Variants in CBFA2T3 observed in about 807,000 individuals in gnomAD.
CBFA2T3 encodes CBFA2/RUNX1 partner transcriptional co-repressor 3, also known as transcriptional corepressor CBFA2T3.
In CBFA2T3, 31 loss-of-function variants were observed where a neutral mutation model predicts 58.6. The observed-to-expected ratio is 0.53, with a 90% CI of 0.40 to 0.71. The LOEUF is 0.71. CBFA2T3 is among the 30% of genes least tolerant of loss of function. The pLI, the probability that CBFA2T3 is intolerant of heterozygous loss-of-function variation, is 0.00. For missense variants in CBFA2T3, 1,076 were observed against 963.1 expected (o/e 1.12, Z -1.55); for synonymous variants, 531 against 421.9 (o/e 1.26, Z -3.17).
chr16:88,923,142 T>G (rs973963155), intron 1 of CBFA2T3, among the ~76,000 whole-genome samples: 1 of 152,210 alleles, frequency 6.6e-6, no homozygotes, highest in African/African-American at 2.4e-5. Context: ...GTTTGTGATG[T>G]GCTGAGATGG....
At chr16:88,890,161 C>G (rs1017135920) in intron 5 of CBFA2T3, among the ~76,000 whole-genome samples, 4 of 152,172 alleles carry the variant, frequency 2.6e-5, no homozygotes, top group African/African-American at 9.7e-5. Context: ...CCCTGTAGTC[C>G]CCGCTACCTG....
intron 1 of CBFA2T3, among the ~76,000 whole-genome samples, chr16:88,959,324 C>T (rs1972305879): frequency 6.6e-6 from 1 of 152,176 alleles, no homozygotes; most frequent in South Asian, 2.1e-4. Context: ...GAGGGGTCTC[C>T]TTGCGGGAGA....
intron 1 of CBFA2T3, among the ~76,000 whole-genome samples, chr16:88,963,643 G>T (rs1489487670): frequency 6.6e-6 from 1 of 152,176 alleles, no homozygotes; most frequent in Non-Finnish European, 1.5e-5. Context: ...GCGGCCTCTT[G>T]GCTCTTTCAC....
Position 88,885,156 on chromosome 16 carries a change from G to A in CBFA2T3, c.1007C>T (p.Pro336Leu). 2 of 1,602,234 alleles carry A rather than the reference G, an allele frequency of 1.2e-6. No homozygotes were observed. Among genetic ancestry groups the A allele is most frequent in the South Asian group, 1.1e-5 (1 of 90,606 alleles). ...RYSPSNGPPQPTPPPHYRLED... is the reference protein window; with the variant it reads ...RYSPSNGPPQLTPPPHYRLED... ...CAGGCGGTAGTGCGGCGGCGGTGTG[G>A]GCTGCGGTGGCCCGTTGCTGGGGCT... Residue 336 changes from proline to leucine, a missense_variant, in exon 7 of 12, where the codon CCC becomes CTC. Pro to Leu is a moderately conservative substitution (Grantham distance 98). Coordinates refer to ENST00000268679, the MANE Select transcript of CBFA2T3 (RefSeq NM_005187.6). This position sits in a 1 kb window ranked among gnomAD's most constrained non-coding sequence, Gnocchi z 5.3.
intron 1 of CBFA2T3, chr16:88,937,373 C>A (rs969469335): frequency 1.3e-5 from 2 of 152,486 alleles, no homozygotes; most frequent in Non-Finnish European, 2.9e-5. Context: ...GCGGCCTGCA[C>A]CTCCCTAGCC....
At chr16:88,913,778 C>T (rs558714086) in intron 1 of CBFA2T3, among the ~76,000 whole-genome samples, 2 of 152,302 alleles carry the variant, frequency 1.3e-5, no homozygotes, top group East Asian at 1.9e-4. Flanking sequence ...TACGATGACT[C>T]CTCAGAGAGG....
chr16:88,934,267 C>A (rs1185018566), intron 1 of CBFA2T3, among the ~76,000 whole-genome samples: 1 of 152,184 alleles, frequency 6.6e-6, no homozygotes. Context: ...GCGAGAAGGG[C>A]TGCCCCACAG....
rs776031429 is a variant in CBFA2T3 at position 88,901,608 on chromosome 16, G to A, written c.200C>T (p.Ala67Val). The A allele has an allele frequency of 6.6e-6, 10 of 1,522,754 alleles. No individual in the cohort carries two copies. The highest frequency in any genetic ancestry group is 4.4e-5 in the African/African-American group (3 of 68,440). The allele number at this position is 1,522,754 out of a possible 1,614,324, so 94.3% of individuals were successfully genotyped here. Residue 67 changes from alanine (A) to valine (V), a missense_variant, in exon 2 of 12, where the codon GCG becomes GTG. Ala to Val is a moderately conservative substitution (Grantham distance 64). Transcript: ENST00000268679. ...GGACCGGGGCTGCGTCTTCACCTCC[G>A]CTGGGGAGTCCGGCATCGCTGAGGC... The part of the protein sequence containing the change: ...AKASAMPDSP[A>V]EVKTQPRSTP...
At chr16:88,939,944 C>G (rs1971651391) in intron 1 of CBFA2T3, 2 of 152,362 alleles carry the variant, frequency 1.3e-5, no homozygotes, top group African/African-American at 4.8e-5. Context: ...CCGGCCCCCG[C>G]CCCTTATCCC....
At chr16:88,890,906 G>A (rs1185689910) in intron 5 of CBFA2T3, among the ~76,000 whole-genome samples, 1 of 152,142 alleles carries the variant, frequency 6.6e-6, no homozygotes. Flanking sequence ...TAGAGATGGG[G>A]TCTAGCTGTG....
At chr16:88,919,455 A>G (rs1970842092) in intron 1 of CBFA2T3, among the ~76,000 whole-genome samples, 1 of 152,222 alleles carries the variant, frequency 6.6e-6, no homozygotes, top group Non-Finnish European at 1.5e-5. Flanking sequence ...CCAGGGAACA[A>G]GCACTCTATT....
intron 1 of CBFA2T3, among the ~76,000 whole-genome samples, chr16:88,906,221 G>A (rs78085058): frequency 0.018 from 2,741 of 152,206 alleles, 45 homozygotes; most frequent in African/African-American, 0.038. Context: ...CTAAGACACC[G>A]CTAGACAGGG....
chr16:88,918,678 G>A (rs1567607692), intron 1 of CBFA2T3, among the ~76,000 whole-genome samples: 3 of 152,240 alleles, frequency 2.0e-5, no homozygotes, highest in Non-Finnish European at 2.9e-5. Flanking sequence ...CCAGGCCAGA[G>A]CCCCCAGCCC....
chr16:88,885,360 G>A lies in CBFA2T3; in HGVS notation c.894-91C>T, dbSNP rs1969320291. 2.3e-6 allele frequency: 2 copies of A among 874,948 alleles called. No homozygotes were observed. The highest frequency in any genetic ancestry group is 3.3e-6 in the Non-Finnish European group (2 of 601,232). The allele number at this position is 874,948 out of a possible 1,614,324, so 54.2% of individuals were successfully genotyped here. A position where few individuals can be genotyped will look rare whatever the true frequency, so the allele number is the denominator to read the frequency against. On this transcript the variant is annotated intron_variant, in intron 6 of 11. Coordinates refer to ENST00000268679, the MANE Select transcript of CBFA2T3 (RefSeq NM_005187.6). This position sits in a 1 kb window ranked among gnomAD's most constrained non-coding sequence, Gnocchi z 5.3. ...TGGGGTGAGAGGCAGACAGGCAAGG[G>A]CAGAGAGAAAGAGGACACGTAAGGG...
intron 10 of CBFA2T3, 41 bp downstream of exon 10, chr16:88,880,679 T>A (rs1408475013): frequency 6.6e-7 from 1 of 1,514,562 alleles, no homozygotes; most frequent in Admixed American, 2.0e-5. Context: ...GGCCCTGGCC[T>A]CCCACAGCTC....
intron 1 of CBFA2T3, among the ~76,000 whole-genome samples, chr16:88,915,147 C>T (rs922892947): frequency 6.8e-6 from 1 of 146,064 alleles, no homozygotes; most frequent in African/African-American, 2.5e-5. Flanking sequence ...TGCAGACAAG[C>T]AAGCTTCCGT....
At chr16:88,957,705 C>T (rs186281929) in intron 1 of CBFA2T3, 77 of 152,362 alleles carry the variant, frequency 5.1e-4, no homozygotes, top group African/African-American at 1.8e-3. Flanking sequence ...GAAGGCAGGT[C>T]CGACACACGC....
intron 9 of CBFA2T3, 183 bp from the exon 10 acceptor site, chr16:88,880,971 G>C: frequency 1.5e-6 from 1 of 674,970 alleles, no homozygotes; most frequent in Non-Finnish European, 2.6e-6. Context: ...GGCACGGGGG[G>C]CATTGGAGCT....
chr16:88,960,712 A>G (rs556667042), intron 1 of CBFA2T3, among the ~76,000 whole-genome samples: 1 of 152,334 alleles, frequency 6.6e-6, no homozygotes, highest in Non-Finnish European at 1.5e-5. Context: ...GGTACCAGAC[A>G]GTGTCGTTGT....
Sources: gnomAD v4.1 joint callset for allele counts (sites outside exome capture counted in the v4.1 genomes callset) on GRCh38, gnomAD v4.1.1 for gene constraint, Gnocchi (gnomAD v3.1) non-coding constraint, MANE v1.5 for transcripts, NCBI Gene and HGNC (gene_info 2026-07-23, HGNC 2026-07-21) for gene names.